The following TMEM232 variants were observed in gnomAD, a reference collection of about 807,000 sequenced individuals.
The protein encoded by TMEM232 is transmembrane protein 232.
Under a neutral mutation model 78.8 loss-of-function variants are expected in TMEM232, and 80 were observed. The ratio of observed to expected loss-of-function variants is 1.01; its 90% CI spans 0.85 to 1.22. The LOEUF (loss-of-function observed/expected upper bound fraction) is 1.22. Among genes scored for constraint, TMEM232 ranks in the 50% most tolerant of loss-of-function variants. The pLI is 0.00. For synonymous variants in TMEM232, 297 were observed against 254.3 expected, an observed-to-expected ratio of 1.17 and a Z score of -1.60; for missense variants, 881 against 742.2, an observed-to-expected ratio of 1.19 and a Z score of -2.17.
chr5:110,534,314 C>A (rs1002626235), intron 11 of TMEM232, among the ~76,000 whole-genome samples: 1 of 152,210 alleles, frequency 6.6e-6, no homozygotes, highest in Admixed American at 6.5e-5. Context: ...ATATCCCTTA[C>A]AGTCCTCAGT....
At chr5:110,710,547 T>A (rs1470158639) in intron 1 of TMEM232, among the ~76,000 whole-genome samples, 1 of 152,164 alleles carries the variant, frequency 6.6e-6, no homozygotes, top group East Asian at 1.9e-4. Context: ...TTATTCATCA[T>A]GACGAAGAGA....
intron 12 of TMEM232, among the ~76,000 whole-genome samples, chr5:110,432,053 AC>A (rs1390862122): frequency 6.6e-6 from 1 of 151,808 alleles, no homozygotes; most frequent in Non-Finnish European, 1.5e-5. Context: ...TCCAGATGCA[AC>A]CACATAGAAT....
intron 13 of TMEM232, among the ~76,000 whole-genome samples, chr5:110,422,662 G>A (rs1451277094): frequency 3.3e-5 from 5 of 152,004 alleles, no homozygotes; most frequent in African/African-American, 1.2e-4. Flanking sequence ...GCCAAGAAGG[G>A]GTATCATATC....
chr5:110,601,511 G>A (rs764253630), intron 10 of TMEM232, among the ~76,000 whole-genome samples: 8 of 150,968 alleles, frequency 5.3e-5, no homozygotes, highest in Non-Finnish European at 1.0e-4. Flanking sequence ...ACCAATGATA[G>A]ACAGCACAAA....
At chr5:110,511,679 T>C (rs2149472805) in intron 12 of TMEM232, among the ~76,000 whole-genome samples, 1 of 152,260 alleles carries the variant, frequency 6.6e-6, no homozygotes, top group South Asian at 2.1e-4. Context: ...ACTTTCCATA[T>C]GAAGACATTT....
intron 1 of TMEM232, among the ~76,000 whole-genome samples, chr5:110,716,923 A>G (rs115782524): frequency 0.012 from 1,847 of 152,256 alleles, 45 homozygotes; most frequent in African/African-American, 0.042. Context: ...TAAACTGGAC[A>G]GTAATTACAA....
chr5:110,445,520 G>A (rs181775231), intron 12 of TMEM232, among the ~76,000 whole-genome samples: 22 of 152,180 alleles, frequency 1.4e-4, no homozygotes, highest in African/African-American at 2.9e-4. Context: ...AATGGCCTTC[G>A]TCAGGAGTGG....
intron 12 of TMEM232, among the ~76,000 whole-genome samples, chr5:110,466,379 A>G (rs956481567): frequency 1.7e-4 from 26 of 152,284 alleles, no homozygotes; most frequent in African/African-American, 6.3e-4. Flanking sequence ...AAGTTTGCAT[A>G]TTTGGCAAAA....
intron 1 of TMEM232, among the ~76,000 whole-genome samples, chr5:110,673,161 G>A (rs984479691): frequency 2.0e-5 from 3 of 152,080 alleles, no homozygotes; most frequent in African/African-American, 7.2e-5. Context: ...TAGGGACATG[G>A]GTGAAGCTGG....
intron 12 of TMEM232, among the ~76,000 whole-genome samples, chr5:110,488,956 T>C (rs1032100425): frequency 6.6e-6 from 1 of 151,780 alleles, no homozygotes; most frequent in Admixed American, 6.6e-5. Flanking sequence ...CATAACCTGA[T>C]TGAAATAGAT....
At chr5:110,576,268 T>A (rs2149710109) in intron 10 of TMEM232, among the ~76,000 whole-genome samples, 1 of 152,150 alleles carries the variant, frequency 6.6e-6, no homozygotes, top group Middle Eastern at 3.4e-3. Context: ...AAATTTGGAA[T>A]GAACTCCCAT....
chr5:110,587,205 T>C (rs766103301), intron 10 of TMEM232, among the ~76,000 whole-genome samples: 38 of 151,840 alleles, frequency 2.5e-4, no homozygotes, highest in Non-Finnish European at 4.9e-4. Flanking sequence ...TATATACATA[T>C]ACACCCAGAG....
chr5:110,482,282 TA>T (rs1397067720), intron 12 of TMEM232, among the ~76,000 whole-genome samples: 12 of 151,790 alleles, frequency 7.9e-5, no homozygotes, highest in Admixed American at 6.6e-4. Context: ...TTTGAAACAT[TA>T]AAAAAAATTT....
chr5:110,398,187 G>C (rs1259537204), intron 2 of TMEM232, among the ~76,000 whole-genome samples: 1 of 152,082 alleles, frequency 6.6e-6, no homozygotes, highest in Non-Finnish European at 1.5e-5. Flanking sequence ...AGAAAATTCT[G>C]CATTATACAA....
At chr5:110,639,023 CT>C (rs777044009) in intron 4 of TMEM232, among the ~76,000 whole-genome samples, 3 of 152,114 alleles carry the variant, frequency 2.0e-5, no homozygotes, top group Non-Finnish European at 2.9e-5. Flanking sequence ...TTTTGAGGAG[CT>C]TCCATGTAAA....
intron 2 of TMEM232, among the ~76,000 whole-genome samples, chr5:110,403,764 G>A (rs1755690130): frequency 6.6e-6 from 1 of 151,900 alleles, no homozygotes; most frequent in African/African-American, 2.4e-5. Flanking sequence ...GAAATATTCA[G>A]TATGCAGCTT....
intron 12 of TMEM232, among the ~76,000 whole-genome samples, chr5:110,489,551 A>G (rs1216611900): frequency 6.6e-6 from 1 of 152,142 alleles, no homozygotes; most frequent in Non-Finnish European, 1.5e-5. Flanking sequence ...AGATAACATC[A>G]CACGTAATGG....
chr5:110,600,332 A>G (rs1294720414), intron 10 of TMEM232, among the ~76,000 whole-genome samples: 1 of 152,214 alleles, frequency 6.6e-6, no homozygotes, highest in Non-Finnish European at 1.5e-5. Context: ...TGAAGGAGAC[A>G]GAGACACAAA....
chr5:110,735,731 G>C (rs773683688), intron 1 of TMEM232, among the ~76,000 whole-genome samples: 1 of 152,134 alleles, frequency 6.6e-6, no homozygotes, highest in Non-Finnish European at 1.5e-5. Flanking sequence ...CTTGCTGTCT[G>C]TCTCCCAGCT....
Sources: gnomAD v4.1 joint callset for allele counts (sites outside exome capture counted in the v4.1 genomes callset) on GRCh38, gnomAD v4.1.1 for gene constraint, MANE v1.5 for transcripts, NCBI Gene and HGNC (gene_info 2026-07-23, HGNC 2026-07-21) for gene names.